Variants in GTPBP10 observed in about 807,000 individuals in gnomAD.
The protein encoded by GTPBP10 is GTP-binding protein 10.
Under a neutral mutation model 44.8 loss-of-function variants are expected in GTPBP10, and 38 were observed. The observed-to-expected ratio is 0.85, with a 90% CI of 0.65 to 1.11. The LOEUF (loss-of-function observed/expected upper bound fraction) is 1.11, where lower values mean the gene tolerates loss of function less well. GTPBP10 is among the 50% of genes most tolerant of loss of function. The pLI is 0.00. For missense variants in GTPBP10, 462 were observed against 453.7 expected, an observed-to-expected ratio of 1.02 and a Z score of -0.17; for synonymous variants, 152 against 150.6, an observed-to-expected ratio of 1.01 and a Z score of -0.07.
At chr7:90,368,285 CTTTGTGGTGTTCTCCGTAT>C (rs1304772263) in intron 4 of GTPBP10, among the ~76,000 whole-genome samples, 1 of 152,114 alleles carries the variant, frequency 6.6e-6, no homozygotes, top group African/African-American at 2.4e-5. Flanking sequence ...CGAGGAGTAT[CTTTGTGGTGTTCTCCGTAT>C]TTCCTGAATT....
intron 4 of GTPBP10, among the ~76,000 whole-genome samples, chr7:90,364,943 A>G (rs1584636255): frequency 6.6e-6 from 1 of 152,182 alleles, no homozygotes; most frequent in South Asian, 2.1e-4. Context: ...GCGGAATATA[A>G]TCTCATGTTG....
chr7:90,348,389 A>G (rs1207554200), intron 1 of GTPBP10, among the ~76,000 whole-genome samples: 1 of 152,216 alleles, frequency 6.6e-6, no homozygotes, highest in Non-Finnish European at 1.5e-5. Flanking sequence ...TGGAAGCCTC[A>G]CTGATAACAT....
chr7:90,350,495 ACCT>A (rs1282202256), intron 1 of GTPBP10, among the ~76,000 whole-genome samples: 1 of 152,082 alleles, frequency 6.6e-6, no homozygotes, highest in Non-Finnish European at 1.5e-5. Flanking sequence ...CCACAGTCAA[ACCT>A]CCTTCTAAAA....
At chr7:90,362,524 A>C (rs181442842) in intron 4 of GTPBP10, among the ~76,000 whole-genome samples, 2 of 152,162 alleles carry the variant, frequency 1.3e-5, no homozygotes, top group African/African-American at 4.8e-5. Context: ...CTGTTCTTTT[A>C]CATTTGCTAA....
intron 4 of GTPBP10, among the ~76,000 whole-genome samples, chr7:90,368,907 G>A (rs573495544): frequency 6.6e-6 from 1 of 152,304 alleles, no homozygotes; most frequent in South Asian, 2.1e-4. Flanking sequence ...TTTCTGCTCT[G>A]GTTTCTCCCC....
chr7:90,379,222 G>A (rs938374426), intron 8 of GTPBP10, among the ~76,000 whole-genome samples: 22 of 152,092 alleles, frequency 1.4e-4, no homozygotes, highest in Admixed American at 2.6e-4. Flanking sequence ...CCATCCTCTT[G>A]TCTTTATCTA....
chr7:90,377,663 T>C (rs1206918685), intron 7 of GTPBP10, 49 bp downstream of exon 7: 2 of 1,265,022 alleles, frequency 1.6e-6, no homozygotes, highest in Admixed American at 2.2e-5. Context: ...TGAAAACCAG[T>C]GAATTTAGTT....
intron 8 of GTPBP10, among the ~76,000 whole-genome samples, chr7:90,381,218 T>C (rs1304847798): frequency 6.6e-6 from 1 of 152,224 alleles, no homozygotes; most frequent in Admixed American, 6.5e-5. Context: ...TACTGCTTTT[T>C]ACAATGGCTG....
chr7:90,346,915 G>A, intron 1 of GTPBP10, 141 bp downstream of exon 1: 1 of 892,954 alleles, frequency 1.1e-6, no homozygotes, highest in Non-Finnish European at 1.8e-6. Flanking sequence ...CCCTCCTGTA[G>A]TGGCGCTTTG....
At chr7:90,370,335 AGTGTGTGTGT>A (rs33997739) in intron 4 of GTPBP10, among the ~76,000 whole-genome samples, 1 of 149,222 alleles carries the variant, frequency 6.7e-6, no homozygotes. Flanking sequence ...AAGAAAATTG[AGTGTGTGTGT>A]GTGTGTGTGT....
In GTPBP10 at chr7:90,389,869, C is replaced by G. The variant is rs568101966; in HGVS notation, c.*4715C>G. 6.6e-6 allele frequency: 1 copy of G among 152,218 alleles called. No homozygotes were observed. The highest frequency in any genetic ancestry group is 1.9e-4 in the East Asian group (1 of 5,176). 9.4% of individuals were successfully genotyped at this position (152,218 alleles called of 1,614,324 possible). A position where few individuals can be genotyped will look rare whatever the true frequency, so the allele number is the denominator to read the frequency against. On this transcript the variant is annotated 3_prime_UTR_variant, in exon 10 of 10. Coordinates refer to ENST00000222511, the MANE Select transcript of GTPBP10 (RefSeq NM_033107.4). ...GTGGCATGATTATAGCCCTCTGCGG[C>G]CTCAATCTTCAGGGCTTAAGTTATC...
At chr7:90,374,527 A>G (rs980614965) in intron 6 of GTPBP10, among the ~76,000 whole-genome samples, 173 bp downstream of exon 6, 8 of 152,218 alleles carry the variant, frequency 5.3e-5, no homozygotes, top group African/African-American at 1.7e-4. Flanking sequence ...CTATCATAAT[A>G]TATTTAATTT....
chr7:90,352,802 C>CT lies in GTPBP10; in HGVS notation c.34-4dup, dbSNP rs756877671. The CT allele has an allele frequency of 6.5e-3, 8,312 of 1,270,434 alleles. No homozygotes were observed. The highest frequency in any genetic ancestry group is 0.011 in the South Asian group (715 of 65,718). 78.7% of individuals were successfully genotyped at this position (1,270,434 alleles called of 1,614,324 possible). On this transcript the variant is annotated splice_polypyrimidine_tract_variant and intron_variant, in intron 1 of 9. Coordinates refer to ENST00000222511, the MANE Select transcript of GTPBP10 (RefSeq NM_033107.4). ...CTTTTGGTATACAAATATTCTTTCT[C>CT]TTTTTTTTTTAAGTATGGAAATTTC...
intron 4 of GTPBP10, among the ~76,000 whole-genome samples, chr7:90,357,783 G>A (rs927711440): frequency 6.6e-6 from 1 of 152,054 alleles, no homozygotes; most frequent in Non-Finnish European, 1.5e-5. Flanking sequence ...CCCATTCCTA[G>A]TACTGTCTTT....
chr7:90,364,827 G>A (rs1260021629), intron 4 of GTPBP10, among the ~76,000 whole-genome samples: 3 of 152,150 alleles, frequency 2.0e-5, no homozygotes, highest in East Asian at 3.9e-4. Flanking sequence ...CAGCAATGGC[G>A]GGCACCCCTC....
In GTPBP10 at chr7:90,377,605, A is replaced by G; in HGVS notation, c.690A>G (p.Leu230=). The change falls in exon 7 of 10, where the codon CTA becomes CTG. Residue 230 remains leucine (L), a synonymous_variant. Transcript: ENST00000222511. ...AGCATATAGAAAGAACTAGACAACTACTTTTTGTTGTAAGTCATATGTATA... is the reference window on the plus strand; with the variant it reads ...AGCATATAGAAAGAACTAGACAACTGCTTTTTGTTGTAAGTCATATGTATA... ...FLKHIERTRQ[L]LFVVDISGFQ... is the part of the protein sequence containing the mutation. 1 of 1,600,858 alleles carries G rather than the reference A, an allele frequency of 6.2e-7. No individual in the cohort carries two copies. Among genetic ancestry groups the G allele is most frequent in the South Asian group, 1.1e-5 (1 of 89,586 alleles).
intron 9 of GTPBP10, 87 bp from the exon 10 acceptor site, chr7:90,384,805 C>T: frequency 7.4e-7 from 1 of 1,347,170 alleles, no homozygotes; most frequent in Non-Finnish European, 1.0e-6. Context: ...GTGTTGGTTC[C>T]CTGCTTCACA....
At position 90,387,881 on chromosome 7, in the gene GTPBP10, T is replaced by A. The variant is rs1030508018; in HGVS notation, c.*2727T>A. 6.6e-6 allele frequency: 1 copy of A among 151,950 alleles called. No individual in the cohort carries two copies. The highest frequency in any genetic ancestry group is 2.4e-5 in the African/African-American group (1 of 41,390). 9.4% of individuals were successfully genotyped at this position (151,950 alleles called of 1,614,324 possible). ...TTTACATTTGTAACTTCAGTGCTATTTTTTTTTAAGCTCCATTGTTTTCTA... is the reference window on the plus strand; with the variant it reads ...TTTACATTTGTAACTTCAGTGCTATATTTTTTTAAGCTCCATTGTTTTCTA... On this transcript the variant is annotated 3_prime_UTR_variant, in exon 10 of 10. Coordinates refer to ENST00000222511, the MANE Select transcript of GTPBP10 (RefSeq NM_033107.4).
intron 4 of GTPBP10, among the ~76,000 whole-genome samples, chr7:90,362,020 T>C (rs1796032376): frequency 6.6e-6 from 1 of 152,234 alleles, no homozygotes; most frequent in South Asian, 2.1e-4. Context: ...TTCTTCTCTC[T>C]TTTCCTCTTT....
Sources: allele counts gnomAD v4.1 joint callset (sites outside exome capture counted in the v4.1 genomes callset), GRCh38; gene constraint gnomAD v4.1.1; transcripts MANE v1.5; gene names NCBI Gene and HGNC (gene_info 2026-07-23, HGNC 2026-07-21).